Variants in ERBIN observed in about 807,000 individuals in gnomAD.
ERBIN encodes the protein erbb2 interacting protein, also known as densin-180-like protein.
ERBIN carries 60 observed loss-of-function variants against 158.4 expected under a neutral mutation model. That is an observed-to-expected ratio of 0.38 (90% CI 0.31 to 0.47). ERBIN has a LOEUF of 0.47. Ranked by LOEUF, ERBIN falls within the 20% of genes least tolerant of loss-of-function variation. The pLI is 0.99. For missense variants in ERBIN, 1,610 were observed against 1,648.0 expected, an observed-to-expected ratio of 0.98 and a Z score of 0.40; for synonymous variants, 594 against 557.2, an observed-to-expected ratio of 1.07 and a Z score of -0.93.
chr5:65,989,573 A>AT (rs1453132722), intron 2 of ERBIN, among the ~76,000 whole-genome samples: 2 of 152,142 alleles, frequency 1.3e-5, no homozygotes, highest in African/African-American at 4.8e-5. Flanking sequence ...CTGCAACATG[A>AT]TTAGCTCTAC....
chr5:66,064,456 T>C (rs1172955468), intron 21 of ERBIN, among the ~76,000 whole-genome samples: 2 of 152,226 alleles, frequency 1.3e-5, no homozygotes, highest in Admixed American at 1.3e-4. Context: ...ATATTTTTAT[T>C]ATCTCATTTT....
intron 1 of ERBIN, among the ~76,000 whole-genome samples, chr5:65,933,603 C>T (rs1340093625): frequency 6.6e-6 from 1 of 152,162 alleles, no homozygotes; most frequent in Non-Finnish European, 1.5e-5. Flanking sequence ...CTTAATCCTT[C>T]TTGCTAAGAA....
At position 66,065,905 on chromosome 5, in the gene ERBIN, G is replaced by A. The variant is rs373485850; in HGVS notation, c.3634-6264G>A. Among the ~76,000 whole-genome samples, 66 of 152,170 alleles carry A rather than the reference G, an allele frequency of 4.3e-4. No individual in the cohort carries two copies. The South Asian group carries it at 0.013, about 31-fold the overall frequency. On this transcript the variant is annotated intron_variant, in intron 21 of 25. Coordinates refer to ENST00000284037, the MANE Select transcript of ERBIN (RefSeq NM_001253697.2). ...ATAATGTTAGATGTGGTTCTTTTGA[G>A]TTGTCTGAGAGTTTAATGTGATTCT... is the stretch of plus-strand genomic sequence containing the variant.
intron 13 of ERBIN, among the ~76,000 whole-genome samples, chr5:66,027,343 T>C (rs1756379068): frequency 6.6e-6 from 1 of 152,002 alleles, no homozygotes; most frequent in Non-Finnish European, 1.5e-5. Flanking sequence ...CGGCCCACAG[T>C]GGGTTGCTGA....
At position 65,932,033 on chromosome 5, in the gene ERBIN, G is replaced by A. The variant is rs187095858; in HGVS notation, c.-58+5227G>A. Among the ~76,000 whole-genome samples the A allele has an allele frequency of 4.3e-3, 657 of 152,026 alleles. 14 individuals carry two copies. The highest frequency in any genetic ancestry group is 0.037 in the Admixed American group (567 of 15,270). Reference sequence around the variant, plus strand: ...GGGTTTCTCCACGTTGGTCAGGCTGGTCTTGAACTCCTGACCTCAGGTGAT... The same window carrying A: ...GGGTTTCTCCACGTTGGTCAGGCTGATCTTGAACTCCTGACCTCAGGTGAT... On this transcript the variant is annotated intron_variant, in intron 1 of 25. Coordinates refer to ENST00000284037, the MANE Select transcript of ERBIN (RefSeq NM_001253697.2).
Position 66,018,545 on chromosome 5 carries a change from ATTATATATT to A in ERBIN, c.534-2776_534-2768del, listed in dbSNP as rs1479377615. Among the ~76,000 whole-genome samples, 2 of 14,126 alleles carry A rather than the reference ATTATATATT, an allele frequency of 1.4e-4. 1 individual carries two copies. The highest frequency in any genetic ancestry group is 2.7e-4 in the African/African-American group (2 of 7,504). The allele number at this position is 14,126 out of a possible 152,430, so 9.3% of individuals were successfully genotyped here. On this transcript the variant is annotated intron_variant, in intron 7 of 25. Transcript: ENST00000284037. ...ATATATATTATATTATATAATATAT[ATTATATATT>A]ATATAATATATATTATATTATATAA... is the stretch of plus-strand genomic sequence containing the variant.
intron 1 of ERBIN, among the ~76,000 whole-genome samples, chr5:65,935,978 G>C (rs868035935): frequency 6.6e-6 from 1 of 152,098 alleles, no homozygotes; most frequent in Non-Finnish European, 1.5e-5. Context: ...CTTCCACCTC[G>C]AACCTCCCAA....
chr5:66,057,609 G>C (rs1461014139), intron 21 of ERBIN, among the ~76,000 whole-genome samples: 3 of 151,844 alleles, frequency 2.0e-5, no homozygotes, highest in Non-Finnish European at 4.4e-5. Flanking sequence ...GTGCAGGTTT[G>C]TTTCATATGT....
chr5:65,973,627 T>C (rs1286818197), intron 1 of ERBIN, among the ~76,000 whole-genome samples: 2 of 151,032 alleles, frequency 1.3e-5, no homozygotes, highest in Non-Finnish European at 2.9e-5. Context: ...ATAAAAACAT[T>C]TTATTTATAG....
chr5:66,024,434 G>A lies in ERBIN; in HGVS notation c.801G>A (p.Gln267=). ...TATTATCAAGCAATTCACTTCAGCA[G>A]CTTCCTGAGACTATTGGTTTGTATT... is the stretch of plus-strand genomic sequence containing the variant. The part of the protein sequence containing the change: ...DLLLSSNSLQ[Q]LPETIGSLKN... Residue 267 remains glutamine (Q), a synonymous_variant, in exon 10 of 26, where the codon CAG becomes CAA. Coordinates refer to ENST00000284037, the MANE Select transcript of ERBIN (RefSeq NM_001253697.2). The A allele has an allele frequency of 1.3e-6, 2 of 1,595,416 alleles. No homozygotes were observed. Among genetic ancestry groups the A allele is most frequent in the East Asian group, 2.3e-5 (1 of 44,294 alleles).
chr5:65,944,419 T>C (rs1580106047), intron 1 of ERBIN, among the ~76,000 whole-genome samples: 1 of 152,106 alleles, frequency 6.6e-6, no homozygotes. Flanking sequence ...GTTTTTTGTT[T>C]TGAGGCAGAG....
intron 1 of ERBIN, among the ~76,000 whole-genome samples, chr5:65,940,924 GT>G: frequency 6.6e-6 from 1 of 152,298 alleles, no homozygotes; most frequent in Non-Finnish European, 1.5e-5. Context: ...TGCCATGTCT[GT>G]GTAGAAAGAG....
At chr5:65,979,117 T>C (rs1465906794) in intron 1 of ERBIN, among the ~76,000 whole-genome samples, 2 of 152,100 alleles carry the variant, frequency 1.3e-5, no homozygotes, top group African/African-American at 4.8e-5. Flanking sequence ...TTGCACTCCC[T>C]GGGAAATAAC....
chr5:65,975,513 C>T (rs1367624888), intron 1 of ERBIN, among the ~76,000 whole-genome samples: 1 of 152,174 alleles, frequency 6.6e-6, no homozygotes, highest in East Asian at 1.9e-4. Context: ...ACCATGTTGG[C>T]CAGGCTGGTT....
At position 66,082,238 on chromosome 5, in the gene ERBIN, A is replaced by T. The variant is rs991881078; in HGVS notation, c.*3708A>T. 5.9e-5 allele frequency: 9 copies of T among 152,092 alleles called. No homozygotes were observed. The highest frequency in any genetic ancestry group is 2.6e-4 in the Admixed American group (4 of 15,272). 9.4% of individuals were successfully genotyped at this position (152,092 alleles called of 1,614,324 possible). On this transcript the variant is annotated 3_prime_UTR_variant, in exon 26 of 26. Coordinates refer to ENST00000284037, the MANE Select transcript of ERBIN (RefSeq NM_001253697.2). ...AGAATGTTTAGAGAAAACACCTGAA[A>T]TTTTTTTTAAGAGAACAACCTAGGT...
At chr5:66,067,006 AT>A (rs1177830365) in intron 21 of ERBIN, among the ~76,000 whole-genome samples, 1 of 152,242 alleles carries the variant, frequency 6.6e-6, no homozygotes, top group Non-Finnish European at 1.5e-5. Flanking sequence ...TAAAGGGTTA[AT>A]CAGGCCACTT....
chr5:65,928,259 A>G (rs1396471871), intron 1 of ERBIN, among the ~76,000 whole-genome samples: 7 of 129,548 alleles, frequency 5.4e-5, no homozygotes, highest in South Asian at 2.3e-4. Context: ...TTTTTTTTTC[A>G]TTGTTGGTAA....
rs1757599417 is a variant in ERBIN at position 66,038,373 on chromosome 5, C to T, written c.1207-10C>T. 1 of 1,578,086 alleles carries T rather than the reference C, an allele frequency of 6.3e-7. No homozygotes were observed. Among genetic ancestry groups the T allele is most frequent in the African/African-American group, 1.4e-5 (1 of 73,620 alleles). The stretch of plus-strand genomic sequence containing the variant: ...TTATTGAAAATTAAGCATTTATTTT[C>T]CTTCTCTAGTCCAAACCCCTGATAC... On this transcript the variant is annotated splice_polypyrimidine_tract_variant and intron_variant, in intron 14 of 25. Coordinates refer to ENST00000284037, the MANE Select transcript of ERBIN (RefSeq NM_001253697.2).
chr5:66,063,025 TC>T (rs1760589212), intron 21 of ERBIN, among the ~76,000 whole-genome samples: 1 of 152,218 alleles, frequency 6.6e-6, no homozygotes, highest in Non-Finnish European at 1.5e-5. Context: ...TGTTCTCAGA[TC>T]TCAAGCTGCG....
Sources: gnomAD v4.1 joint callset for allele counts (sites outside exome capture counted in the v4.1 genomes callset) on GRCh38, gnomAD v4.1.1 for gene constraint, MANE v1.5 for transcripts, NCBI Gene and HGNC (gene_info 2026-07-23, HGNC 2026-07-21) for gene names.